MAP6: variants seen among roughly 807,000 people sequenced by gnomAD.
The protein encoded by MAP6 is microtubule-associated protein 6.
MAP6 carries 26 observed loss-of-function variants against 42.4 expected under a neutral mutation model. The ratio of observed to expected loss-of-function variants is 0.61; its 90% confidence interval spans 0.45 to 0.85. The LOEUF (loss-of-function observed/expected upper bound fraction) is 0.85, where lower values mean the gene tolerates loss of function less well. Among genes scored for constraint, MAP6 ranks in the 40% least tolerant of loss-of-function variants. The pLI, the probability that MAP6 is intolerant of heterozygous loss-of-function variation, is 0.00. For synonymous variants in MAP6, 418 were observed against 443.8 expected (o/e 0.94, Z 0.73); for missense variants, 966 against 1,099.0 (o/e 0.88, Z 1.71).
At chr11:75,625,316 C>A (rs1330657193) in intron 1 of MAP6, among the ~76,000 whole-genome samples, 1 of 152,192 alleles carries the variant, frequency 6.6e-6, no homozygotes, top group Non-Finnish European at 1.5e-5. Context: ...TTGAAAACAC[C>A]TAGTCTTTGG....
intron 1 of MAP6, among the ~76,000 whole-genome samples, chr11:75,623,680 C>A (rs895526997): frequency 1.3e-5 from 2 of 152,166 alleles, no homozygotes; most frequent in African/African-American, 2.4e-5. Flanking sequence ...GCACTCAAGT[C>A]AGTGTTACTG....
intron 3 of MAP6, chr11:75,594,290 G>A (rs558293815): frequency 6.6e-6 from 1 of 152,264 alleles, no homozygotes; most frequent in East Asian, 1.9e-4. Flanking sequence ...GACAGAGACA[G>A]TGTGATTCCA....
intron 3 of MAP6, among the ~76,000 whole-genome samples, chr11:75,600,283 G>A (rs890519789): frequency 6.6e-6 from 1 of 152,196 alleles, no homozygotes; most frequent in African/African-American, 2.4e-5. Flanking sequence ...TGCTCCAGGA[G>A]GTTAGTGAGA....
intron 1 of MAP6, among the ~76,000 whole-genome samples, chr11:75,613,274 C>T (rs1018071127): frequency 1.3e-5 from 2 of 152,138 alleles, no homozygotes; most frequent in Non-Finnish European, 2.9e-5. Context: ...ATGGGGCACA[C>T]ACTTGCTTCT....
intron 1 of MAP6, among the ~76,000 whole-genome samples, chr11:75,643,675 A>G (rs1322910887): frequency 1.3e-5 from 2 of 152,194 alleles, no homozygotes; most frequent in Admixed American, 1.3e-4. Context: ...ATAAGAATAA[A>G]TGCTAGCATT....
chr11:75,591,510 G>A (rs1017283060), intron 3 of MAP6, among the ~76,000 whole-genome samples: 2 of 152,172 alleles, frequency 1.3e-5, no homozygotes, highest in Non-Finnish European at 1.5e-5. Flanking sequence ...GTATGAATGA[G>A]GCAAAGCCAC....
chr11:75,587,018 C>G lies in MAP6; in HGVS notation c.*41G>C. 6.6e-7 allele frequency: 1 copy of G among 1,524,040 alleles called. No homozygotes were observed. The highest frequency in any genetic ancestry group is 1.3e-5 in the South Asian group (1 of 75,236). The allele number at this position is 1,524,040 out of a possible 1,614,324, so 94.4% of individuals were successfully genotyped here. A position where few individuals can be genotyped will look rare whatever the true frequency, so the allele number is the denominator to read the frequency against. On this transcript the variant is annotated 3_prime_UTR_variant, in exon 4 of 4. Transcript: ENST00000304771. ...TCACTGCCCCTGGGAGGGGAGCACT[C>G]TCACTGTCAGCTCCTTCATTGGTGT...
At chr11:75,630,758 T>C (rs1199207528) in intron 1 of MAP6, among the ~76,000 whole-genome samples, 1 of 152,268 alleles carries the variant, frequency 6.6e-6, no homozygotes, top group East Asian at 1.9e-4. Context: ...AAGCCATAGC[T>C]ACATTTTAAA....
chr11:75,608,799 T>A (rs1467257054), intron 1 of MAP6, among the ~76,000 whole-genome samples: 1 of 152,218 alleles, frequency 6.6e-6, no homozygotes, highest in African/African-American at 2.4e-5. Context: ...CCCCCCTTTT[T>A]CATAATGAAG....
chr11:75,624,867 TAGTA>T (rs575093565), intron 1 of MAP6, among the ~76,000 whole-genome samples: 623 of 152,218 alleles, frequency 4.1e-3, no homozygotes, highest in Middle Eastern at 0.014. Context: ...TCAGCCTACA[TAGTA>T]AGCATTGTTT....
At chr11:75,607,139 A>G (rs2135588822) in intron 2 of MAP6, 1 of 780,918 alleles carries the variant, frequency 1.3e-6, no homozygotes, top group Non-Finnish European at 1.6e-6. Context: ...TGGAACTGAG[A>G]GGTTTCCTGG....
At chr11:75,631,876 A>C (rs1943289918) in intron 1 of MAP6, among the ~76,000 whole-genome samples, 1 of 152,244 alleles carries the variant, frequency 6.6e-6, no homozygotes, top group South Asian at 2.1e-4. Context: ...TCCAGCAAAT[A>C]CCACCTGTGA....
rs907053874 is a variant in MAP6 at position 75,607,696 on chromosome 11, G to A, written c.1119+413C>T. 3.0e-6 allele frequency: 3 copies of A among 985,268 alleles called. No individual in the cohort carries two copies. The African/African-American group carries it at 5.2e-5, about 17-fold the overall frequency. 61.0% of individuals were successfully genotyped at this position (985,268 alleles called of 1,614,324 possible). On this transcript the variant is annotated intron_variant, in intron 2 of 3. Coordinates refer to ENST00000304771, the MANE Select transcript of MAP6 (RefSeq NM_033063.2). ...GTCCAGTGATTGGAGCCAAGGATGA[G>A]GCAAGGCAGGGTCTGGTGGGAGGGG...
intron 1 of MAP6, among the ~76,000 whole-genome samples, chr11:75,646,297 T>C (rs1943551748): frequency 1.3e-5 from 2 of 152,008 alleles, no homozygotes. Context: ...ATACTATCTC[T>C]AAAGCAGGAG....
chr11:75,613,717 G>C (rs1441877676), intron 1 of MAP6, among the ~76,000 whole-genome samples: 1 of 152,148 alleles, frequency 6.6e-6, no homozygotes, highest in Admixed American at 6.5e-5. Context: ...CCGGTGGGTG[G>C]GTGAACTGCA....
chr11:75,647,361 A>C (rs1167821932), intron 1 of MAP6, among the ~76,000 whole-genome samples: 1 of 150,672 alleles, frequency 6.6e-6, no homozygotes, highest in Non-Finnish European at 1.5e-5. Flanking sequence ...AAAAAAAAAA[A>C]AAAAAACCCA....
At chr11:75,657,052 G>A (rs1311916475) in intron 1 of MAP6, among the ~76,000 whole-genome samples, 1 of 151,510 alleles carries the variant, frequency 6.6e-6, no homozygotes, top group Non-Finnish European at 1.5e-5. Flanking sequence ...AAATATACTT[G>A]TATCTGGGAT....
chr11:75,659,121 G>A (rs1280525515), intron 1 of MAP6, among the ~76,000 whole-genome samples: 2 of 152,210 alleles, frequency 1.3e-5, no homozygotes, highest in Admixed American at 1.3e-4. Flanking sequence ...ATATTAATAT[G>A]ACATGCAGGA....
chr11:75,632,559 G>C (rs1440629573), intron 1 of MAP6, among the ~76,000 whole-genome samples: 1 of 151,986 alleles, frequency 6.6e-6, no homozygotes, highest in Non-Finnish European at 1.5e-5. Flanking sequence ...CTTTTGTTTT[G>C]CGTGATTCTA....
Sources: allele counts gnomAD v4.1 joint callset (sites outside exome capture counted in the v4.1 genomes callset), GRCh38; gene constraint gnomAD v4.1.1; transcripts MANE v1.5; gene names NCBI Gene and HGNC (gene_info 2026-07-23, HGNC 2026-07-21).